METTL16: variants seen among roughly 807,000 people sequenced by gnomAD.
METTL16 encodes RNA N(6)-adenosine-methyltransferase METTL16.
In METTL16, 19 loss-of-function variants were observed where a neutral mutation model predicts 57.9. That is an observed-to-expected ratio of 0.33 (90% CI 0.23 to 0.48). METTL16 has a LOEUF of 0.48. Ranked by LOEUF, METTL16 falls within the 20% of genes least tolerant of loss-of-function variation. METTL16 has a pLI of 0.99. For synonymous variants in METTL16, 246 were observed against 255.6 expected (o/e 0.96, Z 0.36); for missense variants, 434 against 691.5 (o/e 0.63, Z 4.18).
At chr17:2,486,292 GAC>G (rs2067340676) in intron 2 of METTL16, among the ~76,000 whole-genome samples, 1 of 147,886 alleles carries the variant, frequency 6.8e-6, no homozygotes, top group African/African-American at 2.5e-5. Context: ...TTTTTTTTGA[GAC>G]AGAGTCTCGC....
Position 2,467,852 on chromosome 17 carries a change from A to T in METTL16, c.494T>A (p.Leu165His). The T allele has an allele frequency of 6.2e-7, 1 of 1,614,060 alleles. No individual in the cohort carries two copies. Among genetic ancestry groups the T allele is most frequent in the Non-Finnish European group, 8.5e-7 (1 of 1,179,910 alleles). Residue 165 changes from leucine (L) to histidine (H), a missense_variant, in exon 5 of 10, where the codon CTC becomes CAC. This residue lies in a region of METTL16 where 118 missense variants were observed against 280.0 expected (regional missense o/e 0.42). Transcript: ENST00000263092. ...TTCTTCTTTAAGAGCATCCATCAGG[A>T]GTGTCTTCTGTGGCACTTTCACCAC... ...IKVVKVPQKT[L>H]LMDALKEESE...
At chr17:2,453,496 G>A (rs1213813348) in intron 6 of METTL16, among the ~76,000 whole-genome samples, 1 of 152,170 alleles carries the variant, frequency 6.6e-6, no homozygotes, top group Non-Finnish European at 1.5e-5. Flanking sequence ...TGAAGAGCAC[G>A]GAGGCGCTGC....
intron 8 of METTL16, among the ~76,000 whole-genome samples, chr17:2,428,185 C>A (rs1367165523): frequency 6.6e-6 from 1 of 151,884 alleles, no homozygotes; most frequent in Non-Finnish European, 1.5e-5. Flanking sequence ...ATCCCTAGTG[C>A]CCAGATGAAT....
chr17:2,452,326 G>C (rs1182598981), intron 6 of METTL16, among the ~76,000 whole-genome samples: 1 of 152,036 alleles, frequency 6.6e-6, no homozygotes, highest in Non-Finnish European at 1.5e-5. Flanking sequence ...ATTTCAGATT[G>C]AATGTCATAT....
At chr17:2,455,174 C>T (rs1219894851) in intron 6 of METTL16, 6 of 165,534 alleles carry the variant, frequency 3.6e-5, no homozygotes, top group Admixed American at 2.6e-4. Context: ...CTGCAACCTC[C>T]GCCTCCCAGG....
chr17:2,417,085 T>TTTTTTTTTTTTA lies in METTL16; in HGVS notation c.*2884_*2885insTAAAAAAAAAAA. Reference sequence around the variant, plus strand: ...TTTTTTTTTTTTTTTTTTTTTTTTTTGAGACAGTCCCACTTTGTCGCCCAG... The same window carrying TTTTTTTTTTTTA: ...TTTTTTTTTTTTTTTTTTTTTTTTTTTTTTTTTTTTTAGAGACAGTCCCACTTTGTCGCCCAG... On this transcript the variant is annotated 3_prime_UTR_variant, in exon 10 of 10. Transcript: ENST00000263092. 7.2e-6 allele frequency: 1 copy of TTTTTTTTTTTTA among 138,356 alleles called. No individual in the cohort carries two copies. The highest frequency in any genetic ancestry group is 1.5e-5 in the Non-Finnish European group (1 of 65,774). The allele number at this position is 138,356 out of a possible 1,614,324, so 8.6% of individuals were successfully genotyped here. A position where few individuals can be genotyped will look rare whatever the true frequency, so the allele number is the denominator to read the frequency against.
rs182827168 is a variant in METTL16, at chr17:2,471,720, G to A, written c.469+1804C>T. On this transcript the variant is annotated intron_variant, in intron 4 of 9. Transcript: ENST00000263092. Reference sequence around the variant, plus strand: ...GGAGAATGGTGTGAACCCAGCAGGCGGAGCTTGCAATGAGCCGAGATTGCG... The same window carrying A: ...GGAGAATGGTGTGAACCCAGCAGGCAGAGCTTGCAATGAGCCGAGATTGCG... Among the ~76,000 whole-genome samples the A allele has an allele frequency of 1.7e-3, 262 of 152,076 alleles. 1 individual carries two copies. Among genetic ancestry groups the A allele is most frequent in the Non-Finnish European group, 2.7e-3 (186 of 67,992 alleles).
In METTL16 at chr17:2,420,839, C is replaced by A; in HGVS notation, c.954G>T (p.Ala318=). 2.5e-6 allele frequency: 4 copies of A among 1,614,170 alleles called. No homozygotes were observed. Among genetic ancestry groups the A allele is most frequent in the Admixed American group, 1.7e-5 (1 of 60,016 alleles). ...PRKPITFVVL[A]SVMKELSLKA... ...TGAGGGATAATTCCTTCATCACGGA[C>A]GCCAGCACCACGAATGTTATGGGTT... Residue 318 remains alanine (A), a synonymous_variant, in exon 9 of 10, where the codon GCG becomes GCT. Coordinates refer to ENST00000263092, the MANE Select transcript of METTL16 (RefSeq NM_024086.4). The surrounding 1 kb of genome is among the most constrained non-coding windows in gnomAD (Gnocchi z 5.4).
chr17:2,450,672 T>A lies in METTL16; in HGVS notation c.729-9113A>T, dbSNP rs117411543. Among the ~76,000 whole-genome samples the A allele has an allele frequency of 4.3e-3, 661 of 152,330 alleles. 3 individuals carry two copies. The highest frequency in any genetic ancestry group is 0.01 in the Middle Eastern group (3 of 294). Reference sequence around the variant, plus strand: ...ACGTTTTACATGTTTCCTTCTTGTTTTGTAACAGCTTAGCCAAACTAACAA... The same window carrying A: ...ACGTTTTACATGTTTCCTTCTTGTTATGTAACAGCTTAGCCAAACTAACAA... On this transcript the variant is annotated intron_variant, in intron 6 of 9. Transcript: ENST00000263092.
chr17:2,492,102 T>C (rs986409175), intron 2 of METTL16, among the ~76,000 whole-genome samples: 4 of 150,834 alleles, frequency 2.7e-5, no homozygotes, highest in African/African-American at 9.8e-5. Context: ...TCCCAGCTAC[T>C]CGGGAGGCTG....
chr17:2,432,523 C>T (rs1189170391), intron 8 of METTL16, among the ~76,000 whole-genome samples: 2 of 151,936 alleles, frequency 1.3e-5, no homozygotes, highest in Admixed American at 1.3e-4. Flanking sequence ...GAGCCGTGAG[C>T]GCGCCAATAC....
rs145763486 is a variant in METTL16, at chr17:2,492,189, C to T, written c.128+10015G>A. ...TTGCGCCACTGCACTCCAGCCTGGGCGACAGAGCAAGACTCCGTCTCAAAA... is the reference window on the plus strand; with the variant it reads ...TTGCGCCACTGCACTCCAGCCTGGGTGACAGAGCAAGACTCCGTCTCAAAA... On this transcript the variant is annotated intron_variant, in intron 2 of 9. Transcript: ENST00000263092. 7.1e-3 allele frequency among the ~76,000 whole-genome samples: 1,078 copies of T among 152,042 alleles called. 10 individuals are homozygous for T. Among genetic ancestry groups the T allele is most frequent in the African/African-American group, 0.024 (1,013 of 41,490 alleles).
chr17:2,446,749 C>T (rs1355116089), intron 6 of METTL16, among the ~76,000 whole-genome samples: 2 of 150,702 alleles, frequency 1.3e-5, no homozygotes, highest in African/African-American at 2.4e-5. Flanking sequence ...CTCACTGGTT[C>T]TCGTTTTTTT....
chr17:2,467,944 T>G, intron 4 of METTL16, 68 bp from the exon 5 acceptor site: 1 of 1,040,338 alleles, frequency 9.6e-7, no homozygotes, highest in Non-Finnish European at 1.5e-6. Context: ...AACCGCGCAC[T>G]GCGTAATGAT....
intron 7 of METTL16, among the ~76,000 whole-genome samples, chr17:2,440,400 C>T (rs2066939949): frequency 6.6e-6 from 1 of 152,170 alleles, no homozygotes; most frequent in East Asian, 1.9e-4. Context: ...AGGCGCGTGC[C>T]ACCATGCCCG....
chr17:2,484,068 G>T (rs2067325115), intron 2 of METTL16, among the ~76,000 whole-genome samples: 1 of 152,144 alleles, frequency 6.6e-6, no homozygotes. Context: ...AAAGGAATTT[G>T]AGGAGAAAAA....
At position 2,505,976 on chromosome 17, in the gene METTL16, C is replaced by CTT. The variant is rs76896497; in HGVS notation, c.1-3647_1-3646dup. Among the ~76,000 whole-genome samples, 1,416 of 149,560 alleles carry CTT rather than the reference C, an allele frequency of 9.5e-3. 25 individuals carry two copies. The highest frequency in any genetic ancestry group is 0.032 in the African/African-American group (1,321 of 40,806). ...CCACAGGACCTTTATGCAGGCTATT[C>CTT]TTTTTTTTTTGAGACAGAGTCTCCC... On this transcript the variant is annotated intron_variant, in intron 1 of 9. Coordinates refer to ENST00000263092, the MANE Select transcript of METTL16 (RefSeq NM_024086.4).
At chr17:2,458,721 TACAC>T (rs1052469484) in intron 6 of METTL16, among the ~76,000 whole-genome samples, 1 of 151,614 alleles carries the variant, frequency 6.6e-6, no homozygotes, top group Non-Finnish European at 1.5e-5. Flanking sequence ...CACACACACA[TACAC>T]ACACACTCAC....
At chr17:2,442,905 G>A (rs560330509) in intron 6 of METTL16, among the ~76,000 whole-genome samples, 2 of 151,846 alleles carry the variant, frequency 1.3e-5, no homozygotes, top group South Asian at 2.1e-4. Flanking sequence ...TGGGCTCACC[G>A]CCACCTCCGC....
Sources: gnomAD v4.1 joint callset for allele counts (sites outside exome capture counted in the v4.1 genomes callset) on GRCh38, gnomAD v4.1.1 for gene constraint, gnomAD v4.1.1 regional missense constraint, Gnocchi (gnomAD v3.1) non-coding constraint, MANE v1.5 for transcripts, NCBI Gene and HGNC (gene_info 2026-07-23, HGNC 2026-07-21) for gene names.